The following MDGA2 variants were observed in gnomAD, a reference collection of about 807,000 sequenced individuals.
MDGA2 encodes the protein MAM domain-containing glycosylphosphatidylinositol anchor protein 2.
A neutral mutation model predicts 117.8 loss-of-function variants in MDGA2; 40 were observed. That is an observed-to-expected ratio of 0.34 (90% CI 0.26 to 0.44). The LOEUF (loss-of-function observed/expected upper bound fraction) is 0.44. Ranked by LOEUF, MDGA2 falls within the 20% of genes least tolerant of loss-of-function variation. The pLI is 1.00. For missense variants in MDGA2, 1,123 were observed against 1,250.6 expected (o/e 0.90, Z 1.54); for synonymous variants, 452 against 439.0 (o/e 1.03, Z -0.37).
chr14:47,053,634 TATATATATATATATATATATACAC>T lies in MDGA2; in HGVS notation c.1525+7591_1525+7614del, dbSNP rs1326984287. Among the ~76,000 whole-genome samples, 106 of 83,332 alleles carry T rather than the reference TATATATATATATATATATATACAC, an allele frequency of 1.3e-3. 1 individual carries two copies. Among genetic ancestry groups the T allele is most frequent in the Middle Eastern group, 6.1e-3 (1 of 164 alleles). 54.7% of individuals were successfully genotyped at this position (83,332 alleles called of 152,430 possible). A position where few individuals can be genotyped will look rare whatever the true frequency, so the allele number is the denominator to read the frequency against. On this transcript the variant is annotated intron_variant, in intron 7 of 16. Coordinates refer to ENST00000399232, the MANE Select transcript of MDGA2 (RefSeq NM_001113498.3). ...ATATATATATATATATATATATATATATATATATATATATATATATACACACACACACACACATATATATATACA... is the reference window on the plus strand; with the variant it reads ...ATATATATATATATATATATATATATACACACACACACATATATATATACA...
chr14:46,879,203 AG>A (rs908409854), intron 11 of MDGA2, among the ~76,000 whole-genome samples: 10 of 152,046 alleles, frequency 6.6e-5, no homozygotes, highest in African/African-American at 2.4e-4. Context: ...GAGGAGGAGG[AG>A]ACACCAGAGA....
intron 1 of MDGA2, among the ~76,000 whole-genome samples, chr14:47,505,399 G>A (rs1894489864): frequency 6.6e-6 from 1 of 152,118 alleles, no homozygotes; most frequent in Non-Finnish European, 1.5e-5. Context: ...GGTCATGTAT[G>A]CACTAACTAC....
intron 8 of MDGA2, among the ~76,000 whole-genome samples, chr14:46,998,597 T>C (rs1887387606): frequency 6.6e-6 from 1 of 152,134 alleles, no homozygotes; most frequent in Non-Finnish European, 1.5e-5. Flanking sequence ...GAAAAGCTCG[T>C]GGAAAGTCTG....
chr14:46,924,656 C>A lies in MDGA2; in HGVS notation c.2090-4496G>T, dbSNP rs147587247. ...AAAATCTAGATAAATAAAATGAGCC[C>A]ATTTTATTATCAGATTGCACAATCT... On this transcript the variant is annotated intron_variant, in intron 9 of 16. Transcript: ENST00000399232. Among the ~76,000 whole-genome samples, 11 of 151,504 alleles carry A rather than the reference C, an allele frequency of 7.3e-5. No homozygotes were observed. In the East Asian group the frequency reaches 2.1e-3, roughly 30 times the overall value.
intron 1 of MDGA2, among the ~76,000 whole-genome samples, chr14:47,393,488 T>C (rs530750673): frequency 6.6e-6 from 1 of 152,238 alleles, no homozygotes; most frequent in East Asian, 1.9e-4. Context: ...GATAACAGCT[T>C]TTTCTTTTAA....
intron 2 of MDGA2, among the ~76,000 whole-genome samples, chr14:47,234,526 C>T (rs1566694190): frequency 2.0e-5 from 3 of 152,002 alleles, no homozygotes; most frequent in Non-Finnish European, 2.9e-5. Flanking sequence ...CCCAAGAAGT[C>T]CTGGGATATT....
Position 46,918,932 on chromosome 14 carries a change from T to C in MDGA2, c.2238+1080A>G, listed in dbSNP as rs1032315377. 2.0e-5 allele frequency among the ~76,000 whole-genome samples: 3 copies of C among 151,942 alleles called. No homozygotes were observed. In the South Asian group the frequency reaches 6.2e-4, roughly 32 times the overall value. The stretch of plus-strand genomic sequence containing the variant: ...GCCCGTCAACATGCCCGGCTAATTT[T>C]TTTGTATTTTTAGTAGAGACGGGGT... On this transcript the variant is annotated intron_variant, in intron 10 of 16. Coordinates refer to ENST00000399232, the MANE Select transcript of MDGA2 (RefSeq NM_001113498.3).
At chr14:47,419,150 A>G (rs1365920539) in intron 1 of MDGA2, among the ~76,000 whole-genome samples, 1 of 152,164 alleles carries the variant, frequency 6.6e-6, no homozygotes, top group East Asian at 1.9e-4. Context: ...TGATACTTCC[A>G]TGGTATAAAT....
chr14:47,448,420 G>A (rs764223365), intron 1 of MDGA2, among the ~76,000 whole-genome samples: 6 of 152,006 alleles, frequency 3.9e-5, no homozygotes, highest in South Asian at 2.1e-4. Context: ...GATTACAGGC[G>A]TGAGATACTG....
intron 5 of MDGA2, among the ~76,000 whole-genome samples, chr14:47,098,261 G>GAAA (rs71112482): frequency 1.0e-3 from 93 of 89,274 alleles, no homozygotes; most frequent in Non-Finnish European, 1.3e-3. Flanking sequence ...TGCCGTGTTT[G>GAAA]AAAAAAAAAA....
At chr14:47,080,272 T>C (rs1004657057) in intron 6 of MDGA2, among the ~76,000 whole-genome samples, 21 of 152,192 alleles carry the variant, frequency 1.4e-4, no homozygotes, top group African/African-American at 4.8e-4. Flanking sequence ...ATATTTCACT[T>C]ACATTTAATT....
intron 9 of MDGA2, among the ~76,000 whole-genome samples, chr14:46,931,214 C>CAAAA (rs34493526): frequency 9.2e-5 from 7 of 76,278 alleles, no homozygotes; most frequent in African/African-American, 1.4e-4. Flanking sequence ...GACTACATCT[C>CAAAA]AAAAAAAAAA....
chr14:47,438,395 T>A (rs1314489523), intron 1 of MDGA2, among the ~76,000 whole-genome samples: 2 of 152,152 alleles, frequency 1.3e-5, no homozygotes, highest in African/African-American at 4.8e-5. Context: ...AATATGGATA[T>A]AACTTGATAG....
At chr14:47,368,114 T>G (rs904386659) in intron 1 of MDGA2, among the ~76,000 whole-genome samples, 2 of 151,260 alleles carry the variant, frequency 1.3e-5, no homozygotes, top group Middle Eastern at 3.2e-3. Flanking sequence ...ACCCCGTCTG[T>G]ACTAAAAATA....
intron 1 of MDGA2, among the ~76,000 whole-genome samples, chr14:47,411,973 C>A (rs1892382613): frequency 6.6e-6 from 1 of 152,146 alleles, no homozygotes; most frequent in South Asian, 2.1e-4. Context: ...TGCTGTCTTG[C>A]AAATTGGGAA....
intron 1 of MDGA2, among the ~76,000 whole-genome samples, chr14:47,476,306 T>G (rs1317743020): frequency 1.3e-5 from 2 of 152,044 alleles, no homozygotes; most frequent in Non-Finnish European, 2.9e-5. Context: ...CATAAATGTT[T>G]ATAAATTTAA....
intron 1 of MDGA2, among the ~76,000 whole-genome samples, chr14:47,503,683 C>T (rs904620552): frequency 1.3e-5 from 2 of 152,116 alleles, no homozygotes; most frequent in South Asian, 2.1e-4. Flanking sequence ...AGATTACAGG[C>T]GTGAGCCACT....
At chr14:47,536,078 A>ATTG (rs1245346381) in intron 1 of MDGA2, among the ~76,000 whole-genome samples, 2 of 152,180 alleles carry the variant, frequency 1.3e-5, no homozygotes, top group Admixed American at 1.3e-4. Flanking sequence ...TTAACATCTC[A>ATTG]TTGATCCAAC....
intron 3 of MDGA2, among the ~76,000 whole-genome samples, chr14:47,183,163 CATCT>C (rs1884777613): frequency 6.6e-6 from 1 of 152,066 alleles, no homozygotes; most frequent in Admixed American, 6.6e-5. Context: ...ACTGTATCAT[CATCT>C]ATCTAATTTA....
Sources: gnomAD v4.1 joint callset for allele counts (sites outside exome capture counted in the v4.1 genomes callset) on GRCh38, gnomAD v4.1.1 for gene constraint, MANE v1.5 for transcripts, NCBI Gene and HGNC (gene_info 2026-07-23, HGNC 2026-07-21) for gene names.